The following MIA2 variants were observed in gnomAD, a reference collection of about 807,000 sequenced individuals.
MIA2 encodes MIA SH3 domain ER export factor 2, also known as melanoma inhibitory activity protein 2.
A neutral mutation model predicts 167.8 loss-of-function variants in MIA2; 127 were observed. That is an observed-to-expected ratio of 0.76 (90% CI 0.66 to 0.88). The LOEUF (loss-of-function observed/expected upper bound fraction) is 0.88, where lower values mean the gene tolerates loss of function less well. Ranked by LOEUF, MIA2 falls within the 40% of genes least tolerant of loss-of-function variation. The pLI, the probability that MIA2 is intolerant of heterozygous loss-of-function variation, is 0.00. For missense variants in MIA2, 1,690 were observed against 1,624.7 expected (o/e 1.04, Z -0.69); for synonymous variants, 552 against 541.9 (o/e 1.02, Z -0.26).
chr14:39,258,293 T>C (rs893122825), intron 6 of MIA2, among the ~76,000 whole-genome samples: 6 of 152,212 alleles, frequency 3.9e-5, no homozygotes, highest in Middle Eastern at 3.2e-3. Context: ...CTTTTCATAC[T>C]TTTTTCTCTA....
chr14:39,345,510 G>T (rs575341523), intron 25 of MIA2, among the ~76,000 whole-genome samples: 1 of 152,172 alleles, frequency 6.6e-6, no homozygotes, highest in South Asian at 2.1e-4. Flanking sequence ...TTCTTGCTGT[G>T]CTTACGTTTT....
chr14:39,358,055 A>G lies in MIA2; in HGVS notation c.2248+9078A>G, dbSNP rs188398693. Reference sequence around the variant, plus strand: ...CTTGGAGTTGCTCTTCTCAAGGAGTATCTTTGTGGTGGTCTCTGTATTTCC... The same window carrying G: ...CTTGGAGTTGCTCTTCTCAAGGAGTGTCTTTGTGGTGGTCTCTGTATTTCC... On this transcript the variant is annotated intron_variant, in intron 23 of 23. Transcript: ENST00000341502. 2.4e-3 allele frequency among the ~76,000 whole-genome samples: 359 copies of G among 152,232 alleles called. 1 individual carries two copies. Among genetic ancestry groups the G allele is most frequent in the African/African-American group, 7.9e-3 (329 of 41,530 alleles).
At chr14:39,243,432 G>C (rs971512217) in intron 3 of MIA2, among the ~76,000 whole-genome samples, 2 of 152,200 alleles carry the variant, frequency 1.3e-5, no homozygotes, top group African/African-American at 2.4e-5. Flanking sequence ...AATAGGTACT[G>C]TCAGTTTCCC....
intron 23 of MIA2, among the ~76,000 whole-genome samples, chr14:39,356,778 C>T (rs1351346704): frequency 6.6e-6 from 1 of 152,148 alleles, no homozygotes; most frequent in Non-Finnish European, 1.5e-5. Context: ...TTTCAAAGAA[C>T]ATCTTTATTT....
intron 4 of MIA2, among the ~76,000 whole-genome samples, chr14:39,252,360 T>C (rs1412299973): frequency 1.3e-5 from 2 of 152,146 alleles, no homozygotes; most frequent in Non-Finnish European, 2.9e-5. Context: ...GCTACACTGC[T>C]GGCTTTGAAA....
intron 23 of MIA2, among the ~76,000 whole-genome samples, chr14:39,371,522 A>G (rs570653871): frequency 3.3e-5 from 5 of 152,296 alleles, no homozygotes; most frequent in African/African-American, 1.2e-4. Flanking sequence ...CCAGTGTTAT[A>G]ATCATGACAA....
At position 39,318,775 on chromosome 14, in the gene MIA2, G is replaced by A. The variant is rs534337100; in HGVS notation, c.3285-434G>A. 5.1e-4 allele frequency among the ~76,000 whole-genome samples: 77 copies of A among 152,174 alleles called. 1 individual carries two copies. Among genetic ancestry groups the A allele is most frequent in the African/African-American group, 1.6e-3 (68 of 41,536 alleles). On this transcript the variant is annotated intron_variant, in intron 22 of 28. Transcript: ENST00000640607. ...GGAATCATGAGTGTCACGTTACAAT[G>A]GAAAGCATACATGACTCAAAGCCAG...
At chr14:39,362,978 T>C (rs898190380) in intron 23 of MIA2, among the ~76,000 whole-genome samples, 1 of 152,228 alleles carries the variant, frequency 6.6e-6, no homozygotes, top group Non-Finnish European at 1.5e-5. Flanking sequence ...TTTCCATGTA[T>C]TTGTATAGTT....
chr14:39,340,978 C>CT (rs2071678064), intron 25 of MIA2, among the ~76,000 whole-genome samples: 1 of 151,948 alleles, frequency 6.6e-6, no homozygotes, highest in Admixed American at 6.6e-5. Flanking sequence ...GAGATGGTAG[C>CT]TGGAGGGAGA....
intron 14 of MIA2, among the ~76,000 whole-genome samples, 175 bp downstream of exon 14, chr14:39,300,161 TACACAC>T (rs921399196): frequency 2.0e-5 from 3 of 152,106 alleles, no homozygotes; most frequent in Non-Finnish European, 4.4e-5. Context: ...TACATACACA[TACACAC>T]ACACATACTT....
chr14:39,357,550 A>C (rs1232718881), intron 23 of MIA2, among the ~76,000 whole-genome samples: 1 of 152,210 alleles, frequency 6.6e-6, no homozygotes, highest in Non-Finnish European at 1.5e-5. Context: ...TAGCCCATTT[A>C]CATTTAAGGT....
chr14:39,342,280 C>A (rs367594094), intron 25 of MIA2, among the ~76,000 whole-genome samples: 22 of 150,674 alleles, frequency 1.5e-4, no homozygotes, highest in Middle Eastern at 6.9e-3. Context: ...TTTGTCCTTG[C>A]GATAGTTTGC....
chr14:39,372,522 T>C (rs983554170), intron 23 of MIA2, among the ~76,000 whole-genome samples: 1 of 152,210 alleles, frequency 6.6e-6, no homozygotes, highest in Non-Finnish European at 1.5e-5. Flanking sequence ...TTTGTTCTGT[T>C]CTGGGTACCA....
chr14:39,356,548 A>C (rs1036346155), intron 23 of MIA2, among the ~76,000 whole-genome samples: 1 of 151,864 alleles, frequency 6.6e-6, no homozygotes, highest in Non-Finnish European at 1.5e-5. Flanking sequence ...TTGTGTCTCT[A>C]TCTCCTTCAG....
chr14:39,342,647 C>T (rs2072231074), intron 25 of MIA2, among the ~76,000 whole-genome samples: 2 of 152,112 alleles, frequency 1.3e-5, no homozygotes, highest in Admixed American at 1.3e-4. Flanking sequence ...GGATATCACC[C>T]TTGAGAATTT....
chr14:39,242,262 C>T (rs1011067962), intron 3 of MIA2, among the ~76,000 whole-genome samples: 2 of 151,470 alleles, frequency 1.3e-5, no homozygotes, highest in African/African-American at 4.9e-5. Context: ...CATGATGATT[C>T]TAAAGGAATT....
intron 10 of MIA2, chr14:39,292,810 T>A: frequency 5.8e-6 from 1 of 172,514 alleles, no homozygotes; most frequent in Non-Finnish European, 1.2e-5. Context: ...ATATGGAATA[T>A]TATCATGAAG....
At chr14:39,264,603 A>G (rs540924028) in intron 6 of MIA2, among the ~76,000 whole-genome samples, 2 of 152,312 alleles carry the variant, frequency 1.3e-5, no homozygotes, top group South Asian at 4.1e-4. Context: ...TATACAATGG[A>G]AATTATCCAG....
intron 23 of MIA2, among the ~76,000 whole-genome samples, chr14:39,358,840 A>G (rs936248197): frequency 1.4e-4 from 21 of 152,300 alleles, no homozygotes; most frequent in African/African-American, 5.1e-4. Flanking sequence ...TTGCCTGGGT[A>G]TCAGCAGTGG....
Sources: gnomAD v4.1 joint callset for allele counts (sites outside exome capture counted in the v4.1 genomes callset) on GRCh38, gnomAD v4.1.1 for gene constraint, MANE v1.5 for transcripts, NCBI Gene and HGNC (gene_info 2026-07-23, HGNC 2026-07-21) for gene names.